Variants in ZNF676 observed in about 807,000 individuals in gnomAD.
The protein encoded by ZNF676 is zinc finger protein 676.
A neutral mutation model predicts 6.0 loss-of-function variants in ZNF676; 4 were observed. That is an observed-to-expected ratio of 0.67 (90% confidence interval 0.33 to 1.53). ZNF676 has a LOEUF of 1.53. Among genes scored for constraint, ZNF676 ranks in the 40% most tolerant of loss-of-function variants. ZNF676 has a pLI of 0.06. For synonymous variants in ZNF676, 198 were observed against 223.1 expected (o/e 0.89, Z 1.00); for missense variants, 644 against 679.7 (o/e 0.95, Z 0.58).
Position 22,182,593 on chromosome 19 carries a change from A to AAAACAAAAAAAAAAC in ZNF676, c.131-1008_131-1007insGTTTTTTTTTTGTTT, listed in dbSNP as rs1555773384. On this transcript the variant is annotated intron_variant, in intron 2 of 2. Transcript: ENST00000397121. The stretch of plus-strand genomic sequence containing the variant: ...TGATATAGTCAAAGTTCTAAAAAAA[A>AAAACAAAAAAAAAAC]AAAAAAAAAGCAAACAAAAAAAAGA... 5.5e-5 allele frequency among the ~76,000 whole-genome samples: 5 copies of AAAACAAAAAAAAAAC among 90,930 alleles called. 1 individual carries two copies. Among genetic ancestry groups the AAAACAAAAAAAAAAC allele is most frequent in the African/African-American group, 2.3e-4 (5 of 22,158 alleles). The allele number at this position is 90,930 out of a possible 152,430, so 59.7% of individuals were successfully genotyped here.
intron 2 of ZNF676, among the ~76,000 whole-genome samples, chr19:22,192,790 G>GT (rs1407864758): frequency 2.6e-5 from 4 of 152,250 alleles, no homozygotes; most frequent in African/African-American, 7.2e-5. Flanking sequence ...GGCTATCACT[G>GT]TAAACTTGAA....
chr19:22,217,519 T>C (rs1308376663), upstream of ZNF676, among the ~76,000 whole-genome samples: 1 of 151,900 alleles, frequency 6.6e-6, no homozygotes, highest in Non-Finnish European at 1.5e-5. Flanking sequence ...ATAATTGTTA[T>C]GCCTTTGCAT....
At chr19:22,248,876 C>G in the ZNF676 span, among the ~76,000 whole-genome samples, 1 of 152,084 alleles carries the variant, frequency 6.6e-6, no homozygotes, top group Admixed American at 6.5e-5. Flanking sequence ...ATTACAGGAA[C>G]TTGCCACCAT....
intron 2 of ZNF676, among the ~76,000 whole-genome samples, chr19:22,185,479 T>C (rs947152133): frequency 7.8e-6 from 1 of 127,978 alleles, no homozygotes; most frequent in African/African-American, 2.9e-5. Flanking sequence ...GGATCACAAC[T>C]CATCACCAGC....
chr19:22,182,883 C>T (rs901306600), intron 2 of ZNF676, among the ~76,000 whole-genome samples: 17 of 151,768 alleles, frequency 1.1e-4, no homozygotes, highest in Admixed American at 1.1e-3. Flanking sequence ...TCTAATGGTG[C>T]AGAAAACATT....
At chr19:22,241,401 C>T in the ZNF676 span, among the ~76,000 whole-genome samples, 1 of 151,934 alleles carries the variant, frequency 6.6e-6, no homozygotes, top group Non-Finnish European at 1.5e-5. Context: ...CACAGCCTCA[C>T]AGCTGTGGGG....
intron 2 of ZNF676, among the ~76,000 whole-genome samples, chr19:22,184,665 A>G (rs1474522867): frequency 6.6e-6 from 1 of 151,536 alleles, no homozygotes; most frequent in Non-Finnish European, 1.5e-5. Flanking sequence ...TGACCTGGGA[A>G]GCTCGAGCTT....
chr19:22,223,961 C>G, the ZNF676 span, among the ~76,000 whole-genome samples: 1 of 151,338 alleles, frequency 6.6e-6, no homozygotes. Context: ...TGTGTAAGAA[C>G]AGCATATATA....
chr19:22,235,121 C>CAGGAAGGCAGGAAGGAAGGA, the ZNF676 span, among the ~76,000 whole-genome samples: 36 of 131,796 alleles, frequency 2.7e-4, no homozygotes, highest in African/African-American at 1.1e-3. Flanking sequence ...GGCAGGAAGG[C>CAGGAAGGCAGGAAGGAAGGA]AGGAAGGAAG....
chr19:22,236,516 T>C, the ZNF676 span, among the ~76,000 whole-genome samples: 2 of 152,046 alleles, frequency 1.3e-5, no homozygotes, highest in Admixed American at 1.3e-4. Context: ...AGTTACCCCA[T>C]AAAAGGCCAG....
At chr19:22,258,677 G>C in the ZNF676 span, among the ~76,000 whole-genome samples, 1 of 152,168 alleles carries the variant, frequency 6.6e-6, no homozygotes, top group Non-Finnish European at 1.5e-5. Flanking sequence ...GTAAGGCACA[G>C]GCAGGAGAGT....
chr19:22,218,184 G>A (rs1157013791), upstream of ZNF676, among the ~76,000 whole-genome samples: 3 of 152,018 alleles, frequency 2.0e-5, no homozygotes, highest in Non-Finnish European at 2.9e-5. Context: ...CATTTGCTTT[G>A]AGGTTCTTGG....
At chr19:22,221,467 A>C in the ZNF676 span, among the ~76,000 whole-genome samples, 2 of 152,060 alleles carry the variant, frequency 1.3e-5, no homozygotes, top group Non-Finnish European at 2.9e-5. Context: ...AAATTTATTC[A>C]GGGGCTGGGC....
In ZNF676 at chr19:22,193,491, C is replaced by A. The variant is rs186403514; in HGVS notation, c.35-380G>T. 7.2e-4 allele frequency among the ~76,000 whole-genome samples: 109 copies of A among 152,186 alleles called. 1 individual carries two copies. The East Asian group carries it at 0.017, about 24-fold the overall frequency. On this transcript the variant is annotated intron_variant, in intron 1 of 2. Transcript: ENST00000397121. ...TTGGGGTTTGGTTTGCACGGTCCTA[C>A]TGCCGCTGTCTCCTTCTTATTTTGT...
Position 22,196,772 on chromosome 19 carries a change from C to A in ZNF676, c.-139G>T. 2 of 1,519,206 alleles carry A rather than the reference C, an allele frequency of 1.3e-6. No individual in the cohort carries two copies. Among genetic ancestry groups the A allele is most frequent in the South Asian group, 1.2e-5 (1 of 86,746 alleles). 94.1% of individuals were successfully genotyped at this position (1,519,206 alleles called of 1,614,324 possible). A position where few individuals can be genotyped will look rare whatever the true frequency, so the allele number is the denominator to read the frequency against. The stretch of plus-strand genomic sequence containing the variant: ...CATATATTTACCAATTGGTCATGGG[C>A]AGAACTTTTAATGTGACTCAAGGTA... On this transcript the variant is annotated 5_prime_UTR_variant, in exon 1 of 3. Coordinates refer to ENST00000397121, the MANE Select transcript of ZNF676 (RefSeq NM_001001411.3).
the ZNF676 span, among the ~76,000 whole-genome samples, chr19:22,246,685 T>C: frequency 3.9e-5 from 6 of 152,224 alleles, no homozygotes; most frequent in Non-Finnish European, 7.3e-5. Flanking sequence ...AGAGTCACAT[T>C]ATCTGGGTGA....
the ZNF676 span, among the ~76,000 whole-genome samples, chr19:22,249,860 T>C: frequency 6.6e-6 from 1 of 152,016 alleles, no homozygotes; most frequent in Non-Finnish European, 1.5e-5. Context: ...CTGATTAAGA[T>C]TGGATAGACT....
Position 22,193,185 on chromosome 19 carries a change from A to G in ZNF676, c.35-74T>C. 3 of 1,404,706 alleles carry G rather than the reference A, an allele frequency of 2.1e-6. No individual in the cohort carries two copies. In the South Asian group the frequency reaches 5.0e-5, roughly 24 times the overall value. 87.0% of individuals were successfully genotyped at this position (1,404,706 alleles called of 1,614,324 possible). A position where few individuals can be genotyped will look rare whatever the true frequency, so the allele number is the denominator to read the frequency against. ...TACCAACTTAGTAATGTGCTCAGTA[A>G]AGAGGATGTAATAGAATATTCTAAT... On this transcript the variant is annotated intron_variant, in intron 1 of 2. Transcript: ENST00000397121.
At chr19:22,247,785 A>G in the ZNF676 span, among the ~76,000 whole-genome samples, 1 of 152,138 alleles carries the variant, frequency 6.6e-6, no homozygotes, top group Non-Finnish European at 1.5e-5. Context: ...CTCTTTGCTG[A>G]CAGTTGTGCG....
Sources: gnomAD v4.1 joint callset for allele counts (sites outside exome capture counted in the v4.1 genomes callset) on GRCh38, gnomAD v4.1.1 for gene constraint, MANE v1.5 for transcripts, NCBI Gene and HGNC (gene_info 2026-07-23, HGNC 2026-07-21) for gene names.